Variants in PTPA observed in about 807,000 individuals in gnomAD.
PTPA encodes protein phosphatase 2 phosphatase activator.
A neutral mutation model predicts 43.6 loss-of-function variants in PTPA; 13 were observed. The ratio of observed to expected loss-of-function variants is 0.30; its 90% confidence interval spans 0.19 to 0.47. The LOEUF is 0.47. Ranked by LOEUF, PTPA falls within the 20% of genes least tolerant of loss-of-function variation. PTPA has a pLI of 0.99. For synonymous variants in PTPA, 172 were observed against 158.2 expected (o/e 1.09, Z -0.66); for missense variants, 329 against 411.9 (o/e 0.80, Z 1.74).
chr9:129,143,635 C>A (rs17459347), intron 9 of PTPA: 1 of 564,300 alleles, frequency 1.8e-6, no homozygotes, highest in East Asian at 2.9e-5. Flanking sequence ...CTGAACAGAC[C>A]GGGCCCTCAC....
At chr9:129,112,400 C>T (rs867772212) in intron 1 of PTPA, among the ~76,000 whole-genome samples, 2 of 152,158 alleles carry the variant, frequency 1.3e-5, no homozygotes, top group Non-Finnish European at 2.9e-5. Flanking sequence ...TTTACATTCC[C>T]GACAGAGGCA....
At position 129,123,241 on chromosome 9, in the gene PTPA, A is replaced by G. The variant is rs183266516; in HGVS notation, c.216+103A>G. 1.3e-3 allele frequency: 1,241 copies of G among 969,144 alleles called. 1 individual carries two copies. The highest frequency in any genetic ancestry group is 4.5e-3 in the Admixed American group (234 of 52,430). The allele number at this position is 969,144 out of a possible 1,614,324, so 60.0% of individuals were successfully genotyped here. ...GTAATCTCAGCACCTTGGGAGGCCG[A>G]GGCAGGCGGCTCACGAGGTCAGGAG... On this transcript the variant is annotated intron_variant, in intron 3 of 9. Transcript: ENST00000393370.
chr9:129,137,509 TG>T, intron 7 of PTPA, 82 bp from the exon 8 acceptor site: 26 of 1,120,906 alleles, frequency 2.3e-5, no homozygotes, highest in East Asian at 2.5e-5. Flanking sequence ...CTGAGGCCCC[TG>T]GGGGGGTGTG....
intron 9 of PTPA, among the ~76,000 whole-genome samples, chr9:129,145,493 G>A (rs528748911): frequency 6.6e-6 from 1 of 152,300 alleles, no homozygotes; most frequent in African/African-American, 2.4e-5. Context: ...CCAGTTCTTA[G>A]CCCCTAAGGA....
intron 3 of PTPA, among the ~76,000 whole-genome samples, chr9:129,124,364 C>CCT (rs10684466): frequency 6.6e-6 from 1 of 152,226 alleles, no homozygotes; most frequent in African/African-American, 2.4e-5. Flanking sequence ...TTAAACAGCC[C>CCT]ATCTTCAGAC....
At chr9:129,146,879 G>A (rs1187297002) in intron 9 of PTPA, among the ~76,000 whole-genome samples, 2 of 152,260 alleles carry the variant, frequency 1.3e-5, no homozygotes, top group Non-Finnish European at 2.9e-5. Context: ...TTGCCCAGGG[G>A]TGGGGGGAAC....
upstream of PTPA, chr9:129,110,981 C>T (rs113217898): frequency 2.2e-5 from 30 of 1,371,126 alleles, 1 homozygote; most frequent in African/African-American, 2.1e-4. The surrounding 1 kb of genome is among the most constrained non-coding windows in gnomAD (Gnocchi z 5.3). Flanking sequence ...AGGAGGAGGT[C>T]ACCGTCCAGC....
chr9:129,136,859 C>T (rs577329232), intron 7 of PTPA, among the ~76,000 whole-genome samples: 1 of 152,316 alleles, frequency 6.6e-6, no homozygotes, highest in Admixed American at 6.5e-5. Flanking sequence ...GGAGCAAGGG[C>T]GCACGCCTGG....
intron 8 of PTPA, among the ~76,000 whole-genome samples, chr9:129,138,278 C>T (rs996647601): frequency 6.6e-6 from 1 of 152,212 alleles, no homozygotes; most frequent in Admixed American, 6.5e-5. Flanking sequence ...GTTATTGTCT[C>T]ACCAAGGCAG....
intron 9 of PTPA, among the ~76,000 whole-genome samples, chr9:129,145,175 A>G (rs1446575378): frequency 6.6e-6 from 1 of 152,090 alleles, no homozygotes; most frequent in Non-Finnish European, 1.5e-5. Context: ...TACTAAAAAT[A>G]CAAAAATTAG....
At chr9:129,137,953 C>CT in intron 8 of PTPA, 1 of 477,272 alleles carries the variant, frequency 2.1e-6, no homozygotes, top group Non-Finnish European at 3.9e-6. Context: ...GACTTGGTCA[C>CT]TAACTGGCCT....
intron 9 of PTPA, chr9:129,143,344 G>A (rs1344121222): frequency 2.8e-6 from 2 of 702,948 alleles, no homozygotes; most frequent in Non-Finnish European, 5.2e-6. Flanking sequence ...TGGAGTGATG[G>A]GTCCTTAAAG....
At chr9:129,124,264 G>A (rs543771812) in intron 3 of PTPA, among the ~76,000 whole-genome samples, 1 of 151,982 alleles carries the variant, frequency 6.6e-6, no homozygotes, top group East Asian at 1.9e-4. Context: ...GGTTGGTCTT[G>A]AACTCCTGGG....
At chr9:129,132,936 C>T (rs1850079586) in intron 5 of PTPA, among the ~76,000 whole-genome samples, 1 of 152,146 alleles carries the variant, frequency 6.6e-6, no homozygotes, top group African/African-American at 2.4e-5. Context: ...TGCTGAGACC[C>T]CATCTCTCAA....
chr9:129,141,479 T>C (rs535008623), intron 8 of PTPA, among the ~76,000 whole-genome samples: 25 of 151,994 alleles, frequency 1.6e-4, no homozygotes, highest in African/African-American at 6.1e-4. Flanking sequence ...AAATGCTGCC[T>C]ATGAGCTGGG....
Position 129,147,394 on chromosome 9 carries a change from A to G in PTPA, c.902A>G (p.Glu301Gly), listed in dbSNP as rs767774479. ...CCTGCTCCTTCCTCACAGTGCCTGG[A>G]GAAGTTCCCTGTGATCCAGCACTTC... The part of the protein sequence containing the change: ...LIRMYKAECL[E>G]KFPVIQHFKF... The change falls in exon 10 of 10, where the codon GAG becomes GGG. Residue 301 changes from glutamate (E) to glycine (G), a missense_variant. Coordinates refer to ENST00000393370, the MANE Select transcript of PTPA (RefSeq NM_178000.3). 58 of 1,613,746 alleles carry G rather than the reference A, an allele frequency of 3.6e-5. No individual in the cohort carries two copies. The highest frequency in any genetic ancestry group is 2.5e-6 in the Non-Finnish European group (3 of 1,179,900).
chr9:129,143,694 C>T (rs1052020116), intron 9 of PTPA: 126 of 451,302 alleles, frequency 2.8e-4, no homozygotes, highest in Middle Eastern at 2.5e-3. Context: ...GACCTCACAT[C>T]CTGTGTTTAG....
At chr9:129,132,960 A>T (rs996422677) in intron 5 of PTPA, among the ~76,000 whole-genome samples, 2 of 152,162 alleles carry the variant, frequency 1.3e-5, no homozygotes, top group African/African-American at 4.8e-5. Context: ...TATAAAAGGG[A>T]GGTGTTCTCT....
intron 7 of PTPA, 142 bp downstream of exon 7, chr9:129,136,737 C>A: frequency 1.7e-6 from 2 of 1,153,996 alleles, no homozygotes; most frequent in Non-Finnish European, 2.3e-6. Flanking sequence ...GGCATTAGAC[C>A]AGCTATTGAG....
Sources: gnomAD v4.1 joint callset for allele counts (sites outside exome capture counted in the v4.1 genomes callset) on GRCh38, gnomAD v4.1.1 for gene constraint, Gnocchi (gnomAD v3.1) non-coding constraint, MANE v1.5 for transcripts, NCBI Gene and HGNC (gene_info 2026-07-23, HGNC 2026-07-21) for gene names.